The following SFXN1 variants were observed in gnomAD, a reference collection of about 807,000 sequenced individuals.
SFXN1 encodes sideroflexin-1.
A neutral mutation model predicts 39.5 loss-of-function variants in SFXN1; 32 were observed. The ratio of observed to expected loss-of-function variants is 0.81; its 90% CI spans 0.61 to 1.09. The LOEUF (loss-of-function observed/expected upper bound fraction) is 1.09, where lower values mean the gene tolerates loss of function less well. Among genes scored for constraint, SFXN1 ranks in the 50% least tolerant of loss-of-function variants. The pLI, the probability that SFXN1 is intolerant of heterozygous loss-of-function variation, is 0.00. For missense variants in SFXN1, 402 were observed against 407.1 expected (o/e 0.99, Z 0.11); for synonymous variants, 136 against 146.5 (o/e 0.93, Z 0.52).
intron 2 of SFXN1, among the ~76,000 whole-genome samples, chr5:175,502,864 TAAA>T (rs1760136878): frequency 6.6e-6 from 1 of 151,302 alleles, no homozygotes; most frequent in Middle Eastern, 3.2e-3. Context: ...ATAATAATAA[TAAA>T]TAAATAAATA....
chr5:175,517,447 G>A (rs1429781996), intron 8 of SFXN1, among the ~76,000 whole-genome samples: 1 of 152,118 alleles, frequency 6.6e-6, no homozygotes, highest in Non-Finnish European at 1.5e-5. Context: ...GGTCCAGAGA[G>A]ATGATCAGGA....
At position 175,509,080 on chromosome 5, in the gene SFXN1, A is replaced by G; in HGVS notation, c.213A>G (p.Ala71=). Residue 71 remains alanine, a synonymous_variant, in exon 3 of 11, where the codon GCA becomes GCG. Coordinates refer to ENST00000321442, the MANE Select transcript of SFXN1 (RefSeq NM_022754.7). Reference sequence around the variant, plus strand: ...TTACAGAAAATGAATTGTGGAGAGCAAAGTACATCTATGATTCAGCTTTTC... The same window carrying G: ...TTACAGAAAATGAATTGTGGAGAGCGAAGTACATCTATGATTCAGCTTTTC... ...PGLTENELWR[A]KYIYDSAFHP... is the part of the protein sequence containing the mutation. 6.2e-7 allele frequency: 1 copy of G among 1,613,498 alleles called. No homozygotes were observed. The highest frequency in any genetic ancestry group is 8.5e-7 in the Non-Finnish European group (1 of 1,179,830).
In SFXN1 at chr5:175,527,050, G is replaced by A; in HGVS notation, c.*316G>A. The stretch of plus-strand genomic sequence containing the variant: ...AAGCACTGGTAGGCATAGAATAGGT[G>A]CTCAGTATATGGTCAGTAAATGTTC... On this transcript the variant is annotated 3_prime_UTR_variant, in exon 11 of 11. Transcript: ENST00000321442. 3.0e-6 allele frequency: 1 copy of A among 330,738 alleles called. No homozygotes were observed. Among genetic ancestry groups the A allele is most frequent in the Non-Finnish European group, 5.6e-6 (1 of 179,546 alleles). The allele number at this position is 330,738 out of a possible 1,614,324, so 20.5% of individuals were successfully genotyped here. A position where few individuals can be genotyped will look rare whatever the true frequency, so the allele number is the denominator to read the frequency against.
chr5:175,526,881 T>G lies in SFXN1; in HGVS notation c.*147T>G. 1 of 673,956 alleles carries G rather than the reference T, an allele frequency of 1.5e-6. No individual in the cohort carries two copies. Among genetic ancestry groups the G allele is most frequent in the Non-Finnish European group, 2.6e-6 (1 of 384,988 alleles). The allele number at this position is 673,956 out of a possible 1,614,324, so 41.7% of individuals were successfully genotyped here. ...TAGCCTTTTAGAATAAAGCTGCTAC[T>G]TTAACAGAGCACCTGGCGTGGGCCA... On this transcript the variant is annotated 3_prime_UTR_variant, in exon 11 of 11. Transcript: ENST00000321442.
intron 1 of SFXN1, among the ~76,000 whole-genome samples, chr5:175,484,542 C>T (rs35476585): frequency 0.11 from 17,298 of 152,274 alleles, 1,406 homozygotes; most frequent in African/African-American, 0.23. Flanking sequence ...AGCCCTGACC[C>T]CTGCGGGTGG....
At chr5:175,490,331 T>C (rs550552094) in intron 1 of SFXN1, among the ~76,000 whole-genome samples, 56 of 152,328 alleles carry the variant, frequency 3.7e-4, no homozygotes, top group African/African-American at 1.3e-3. Flanking sequence ...GTAGCTGGGC[T>C]TCTCTGTGTT....
At position 175,509,115 on chromosome 5, in the gene SFXN1, C is replaced by T. The variant is rs757558060; in HGVS notation, c.248C>T (p.Thr83Ile). The T allele has an allele frequency of 1.9e-6, 3 of 1,613,930 alleles. No individual in the cohort carries two copies. The highest frequency in any genetic ancestry group is 2.5e-6 in the Non-Finnish European group (3 of 1,179,916). ...YIYDSAFHPD[T>I]GEKMILIGRM... ...TATGATTCAGCTTTTCATCCTGACACTGGTGAGAAGATGATTTTGATAGGA... is the reference window on the plus strand; with the variant it reads ...TATGATTCAGCTTTTCATCCTGACATTGGTGAGAAGATGATTTTGATAGGA... The change falls in exon 3 of 11, where the codon ACT becomes ATT. Residue 83 changes from threonine to isoleucine, a missense_variant. Coordinates refer to ENST00000321442, the MANE Select transcript of SFXN1 (RefSeq NM_022754.7).
intron 6 of SFXN1, among the ~76,000 whole-genome samples, chr5:175,512,398 G>C (rs1760553386): frequency 6.6e-6 from 1 of 152,184 alleles, no homozygotes; most frequent in South Asian, 2.1e-4. Flanking sequence ...ATGAGTTACT[G>C]ATTATTGAAG....
chr5:175,513,632 A>G (rs1760612959), intron 7 of SFXN1, 42 bp downstream of exon 7: 1 of 1,603,636 alleles, frequency 6.2e-7, no homozygotes, highest in Non-Finnish European at 8.5e-7. Flanking sequence ...TACAGGTTGA[A>G]CCAGCGTTCA....
chr5:175,515,113 C>T (rs1002765113), intron 7 of SFXN1, among the ~76,000 whole-genome samples: 3 of 152,150 alleles, frequency 2.0e-5, no homozygotes, highest in Admixed American at 6.5e-5. Context: ...CTTCCCTGAG[C>T]TCAGGTGATC....
intron 10 of SFXN1, chr5:175,524,195 G>T (rs1478981545): frequency 2.2e-5 from 3 of 137,364 alleles, no homozygotes; most frequent in African/African-American, 8.0e-5. Flanking sequence ...CATCTTATAG[G>T]CTCCTCCCAA....
At chr5:175,490,361 A>G (rs1759612060) in intron 1 of SFXN1, among the ~76,000 whole-genome samples, 1 of 152,222 alleles carries the variant, frequency 6.6e-6, no homozygotes. Context: ...AGCCTGCTCT[A>G]GGAATAGCAG....
chr5:175,513,532 G>A lies in SFXN1; in HGVS notation c.666G>A (p.Ala222=), dbSNP rs183196065. 65 of 1,613,956 alleles carry A rather than the reference G, an allele frequency of 4.0e-5. No individual in the cohort carries two copies. Among genetic ancestry groups the A allele is most frequent in the African/African-American group, 2.9e-4 (22 of 75,004 alleles). ...GNRLGESANA[A]KQAITQVVVS... ...GCTTGGGGGAGTCGGCGAACGCTGC[G>A]AAACAAGCCATCACGCAAGTTGTCG... The change falls in exon 7 of 11, where the codon GCG becomes GCA. Residue 222 remains alanine, a synonymous_variant. Transcript: ENST00000321442.
At chr5:175,513,382 T>G in intron 6 of SFXN1, 81 bp from the exon 7 acceptor site, 4 of 1,499,802 alleles carry the variant, frequency 2.7e-6, no homozygotes, top group Non-Finnish European at 3.6e-6. Context: ...AGTAGAGGGT[T>G]GATCTTTCCC....
chr5:175,496,276 A>G (rs1317687656), intron 2 of SFXN1, among the ~76,000 whole-genome samples: 1 of 151,842 alleles, frequency 6.6e-6, no homozygotes, highest in Non-Finnish European at 1.5e-5. Flanking sequence ...CGGGAGGCTG[A>G]GGCAGGAGAA....
chr5:175,493,207 C>T (rs1056647506), intron 2 of SFXN1, among the ~76,000 whole-genome samples: 4 of 151,858 alleles, frequency 2.6e-5, no homozygotes, highest in Admixed American at 6.6e-5. Context: ...GAGCCAGGAT[C>T]GTGCCACTCG....
chr5:175,524,168 A>ATATATATC (rs1760988761), intron 10 of SFXN1: 3 of 122,628 alleles, frequency 2.4e-5, no homozygotes, highest in African/African-American at 8.6e-5. Flanking sequence ...ATATATATAT[A>ATATATATC]TATCTCCAAT....
chr5:175,528,994 T>A lies in SFXN1; in HGVS notation c.*2260T>A, dbSNP rs1311869839. The A allele has an allele frequency of 2.0e-5, 3 of 152,070 alleles. No homozygotes were observed. Among genetic ancestry groups the A allele is most frequent in the Admixed American group, 1.3e-4 (2 of 15,264 alleles). The allele number at this position is 152,070 out of a possible 1,614,324, so 9.4% of individuals were successfully genotyped here. A position where few individuals can be genotyped will look rare whatever the true frequency, so the allele number is the denominator to read the frequency against. The stretch of plus-strand genomic sequence containing the variant: ...AAGAGCTAATGACTGGTTAGAAGAT[T>A]GACAAACTAACCAAAATTTTACACA... On this transcript the variant is annotated 3_prime_UTR_variant, in exon 11 of 11. Coordinates refer to ENST00000321442, the MANE Select transcript of SFXN1 (RefSeq NM_022754.7).
At chr5:175,491,831 T>G in intron 1 of SFXN1, 1 of 290,968 alleles carries the variant, frequency 3.4e-6, no homozygotes, top group Non-Finnish European at 6.3e-6. Context: ...ATTCTAGGTA[T>G]CCAACAAGTA....
Sources: allele counts gnomAD v4.1 joint callset (sites outside exome capture counted in the v4.1 genomes callset), GRCh38; gene constraint gnomAD v4.1.1; transcripts MANE v1.5; gene names NCBI Gene and HGNC (gene_info 2026-07-23, HGNC 2026-07-21).